CDS2: variants seen among roughly 807,000 people sequenced by gnomAD.
CDS2 encodes the protein CDP-diacylglycerol synthase 2, also known as phosphatidate cytidylyltransferase 2.
CDS2 carries 47 observed loss-of-function variants against 59.0 expected under a neutral mutation model. The ratio of observed to expected loss-of-function variants is 0.80; its 90% CI spans 0.63 to 1.02. CDS2 has a LOEUF of 1.02. Among genes scored for constraint, CDS2 ranks in the 50% least tolerant of loss-of-function variants. The pLI, the probability that CDS2 is intolerant of heterozygous loss-of-function variation, is 0.00. For synonymous variants in CDS2, 207 were observed against 206.4 expected (o/e 1.00, Z -0.02); for missense variants, 356 against 558.9 (o/e 0.64, Z 3.66).
chr20:5,153,251 T>G (rs1009704328), intron 1 of CDS2, among the ~76,000 whole-genome samples: 2 of 152,238 alleles, frequency 1.3e-5, no homozygotes, highest in Non-Finnish European at 1.5e-5. Flanking sequence ...TATCTTATAC[T>G]TTTTATGTAC....
chr20:5,170,219 A>G (rs561067195), intron 1 of CDS2, among the ~76,000 whole-genome samples: 154 of 149,364 alleles, frequency 1.0e-3, no homozygotes, highest in Admixed American at 2.5e-3. Flanking sequence ...TTCTGCAGAA[A>G]GTTTTTCTTG....
chr20:5,151,852 C>T (rs578141640), intron 1 of CDS2, among the ~76,000 whole-genome samples: 1 of 144,818 alleles, frequency 6.9e-6, no homozygotes, highest in African/African-American at 2.6e-5. Flanking sequence ...ACAACCTCTG[C>T]CTCCCAGGTT....
At chr20:5,188,055 C>CGTGTGT (rs71332879) in intron 10 of CDS2, among the ~76,000 whole-genome samples, 4,538 of 148,866 alleles carry the variant, frequency 0.03, 91 homozygotes, top group East Asian at 0.082. Context: ...TCTTAACGTA[C>CGTGTGT]GTGTGTGTGT....
chr20:5,143,015 G>T (rs1400233862), intron 1 of CDS2, among the ~76,000 whole-genome samples: 2 of 152,002 alleles, frequency 1.3e-5, no homozygotes, highest in Non-Finnish European at 2.9e-5. Flanking sequence ...GCTAATTTTT[G>T]TATTTTTTTG....
chr20:5,152,738 GTC>G (rs1373548160), intron 1 of CDS2, among the ~76,000 whole-genome samples: 1 of 152,186 alleles, frequency 6.6e-6, no homozygotes, highest in South Asian at 2.1e-4. Context: ...GTGAGACTCT[GTC>G]TCTCACACAC....
At chr20:5,188,533 A>T (rs1405504558) in intron 10 of CDS2, among the ~76,000 whole-genome samples, 1 of 152,212 alleles carries the variant, frequency 6.6e-6, no homozygotes, top group African/African-American at 2.4e-5. Flanking sequence ...AATGGGAAAA[A>T]TTCACTCCTC....
chr20:5,165,684 G>T (rs563497765), intron 1 of CDS2, among the ~76,000 whole-genome samples: 1 of 152,118 alleles, frequency 6.6e-6, no homozygotes, highest in African/African-American at 2.4e-5. Context: ...AAAGTTTTGG[G>T]ATTACAGGCA....
At chr20:5,165,021 A>T (rs1489063715) in intron 1 of CDS2, among the ~76,000 whole-genome samples, 1 of 152,118 alleles carries the variant, frequency 6.6e-6, no homozygotes, top group Non-Finnish European at 1.5e-5. Flanking sequence ...GAGTGTTGGG[A>T]GAAAGGATTC....
At chr20:5,187,105 G>T in intron 10 of CDS2, 3 of 341,394 alleles carry the variant, frequency 8.8e-6, no homozygotes, top group South Asian at 7.9e-5. Context: ...CGGGGGTAGG[G>T]TGGGGGGGTC....
chr20:5,131,245 A>G (rs2090605666), intron 1 of CDS2, among the ~76,000 whole-genome samples: 1 of 152,174 alleles, frequency 6.6e-6, no homozygotes, highest in Non-Finnish European at 1.5e-5. Flanking sequence ...GTCAGAAGGT[A>G]TTTTGTTATA....
chr20:5,141,161 C>A (rs1396406419), intron 1 of CDS2, among the ~76,000 whole-genome samples: 1 of 152,228 alleles, frequency 6.6e-6, no homozygotes, highest in Non-Finnish European at 1.5e-5. Flanking sequence ...AATTATCTGG[C>A]TTTCCTTGTT....
At chr20:5,153,932 C>G (rs1014456221) in intron 1 of CDS2, among the ~76,000 whole-genome samples, 3 of 152,098 alleles carry the variant, frequency 2.0e-5, no homozygotes, top group African/African-American at 2.4e-5. Flanking sequence ...TTTGGCCTCC[C>G]CCTAATAGGA....
intron 1 of CDS2, among the ~76,000 whole-genome samples, chr20:5,129,079 A>G (rs775522448): frequency 4.6e-5 from 7 of 152,274 alleles, no homozygotes; most frequent in Non-Finnish European, 1.0e-4. Context: ...CTGTCCAGCT[A>G]GAGGTGCACT....
chr20:5,186,041 C>T (rs144389834), intron 9 of CDS2, among the ~76,000 whole-genome samples: 58 of 152,370 alleles, frequency 3.8e-4, no homozygotes, highest in African/African-American at 1.3e-3. Flanking sequence ...TGCCCTCTCG[C>T]GCCCAGGCAT....
Position 5,183,052 on chromosome 20 carries a change from T to G in CDS2, c.589-9T>G, listed in dbSNP as rs1415224778. On this transcript the variant is annotated splice_polypyrimidine_tract_variant and intron_variant, in intron 6 of 12. Coordinates refer to ENST00000460006, the MANE Select transcript of CDS2 (RefSeq NM_003818.4). ...TGGTAAGTAGTGTTTATTTTTCTTT[T>G]TTTTGCAGTTTGGCTGGACCCATGT... 7 of 1,613,162 alleles carry G rather than the reference T, an allele frequency of 4.3e-6. No homozygotes were observed. Among genetic ancestry groups the G allele is most frequent in the Non-Finnish European group, 5.9e-6 (7 of 1,179,276 alleles).
chr20:5,178,761 G>A (rs1469032202), intron 4 of CDS2, 56 bp from the exon 5 acceptor site: 3 of 1,591,762 alleles, frequency 1.9e-6, no homozygotes, highest in Non-Finnish European at 2.6e-6. Flanking sequence ...ATGTCTGACT[G>A]CCTTGCTGTG....
At chr20:5,175,377 C>G in intron 3 of CDS2, 98 bp downstream of exon 3, 1 of 935,724 alleles carries the variant, frequency 1.1e-6, no homozygotes, top group Non-Finnish European at 1.7e-6. Flanking sequence ...TGGGAATTGA[C>G]GGGGGTCCAG....
At chr20:5,156,784 A>G (rs764685218) in intron 1 of CDS2, among the ~76,000 whole-genome samples, 2 of 152,148 alleles carry the variant, frequency 1.3e-5, no homozygotes, top group South Asian at 2.1e-4. Flanking sequence ...TGTTGGCTTC[A>G]TTTTTGGGTT....
At chr20:5,181,757 T>C (rs1038958313) in intron 5 of CDS2, among the ~76,000 whole-genome samples, 28 of 152,204 alleles carry the variant, frequency 1.8e-4, no homozygotes, top group African/African-American at 6.8e-4. Flanking sequence ...CTATTTCTCT[T>C]AGAGTACAAA....
Sources: gnomAD v4.1 joint callset for allele counts (sites outside exome capture counted in the v4.1 genomes callset) on GRCh38, gnomAD v4.1.1 for gene constraint, MANE v1.5 for transcripts, NCBI Gene and HGNC (gene_info 2026-07-23, HGNC 2026-07-21) for gene names.